Variants in MAP3K19 observed in about 807,000 individuals in gnomAD.
The protein encoded by MAP3K19 is mitogen-activated protein kinase kinase kinase 19.
A neutral mutation model predicts 114.4 loss-of-function variants in MAP3K19; 91 were observed. That is an observed-to-expected ratio of 0.80 (90% CI 0.67 to 0.95). MAP3K19 has a LOEUF of 0.95. MAP3K19 is among the 40% of genes least tolerant of loss of function. The pLI is 0.00. For synonymous variants in MAP3K19, 518 were observed against 530.5 expected (o/e 0.98, Z 0.32); for missense variants, 1,471 against 1,573.2 (o/e 0.94, Z 1.10).
intron 6 of MAP3K19, among the ~76,000 whole-genome samples, chr2:135,002,897 T>C (rs140137364): frequency 2.3e-3 from 352 of 152,310 alleles, no homozygotes; most frequent in Non-Finnish European, 3.4e-3. Context: ...TGTTATGGAC[T>C]GGATGTTCTG....
At chr2:134,983,562 T>G in intron 11 of MAP3K19, 114 bp downstream of exon 11, 1 of 696,810 alleles carries the variant, frequency 1.4e-6, no homozygotes, top group Non-Finnish European at 2.3e-6. Context: ...GAGTTCTAAG[T>G]AAAAGAGTGC....
At chr2:134,988,995 G>C (rs60126223) in intron 9 of MAP3K19, among the ~76,000 whole-genome samples, 1 of 151,968 alleles carries the variant, frequency 6.6e-6, no homozygotes, top group African/African-American at 2.4e-5. Context: ...ATTCATATCC[G>C]AAACACAACT....
In MAP3K19 at chr2:134,983,795, T is replaced by C; in HGVS notation, c.3103A>G (p.Arg1035Gly). The C allele has an allele frequency of 1.9e-6, 3 of 1,603,324 alleles. No individual in the cohort carries two copies. Among genetic ancestry groups the C allele is most frequent in the Non-Finnish European group, 2.6e-6 (3 of 1,175,484 alleles). The change falls in exon 11 of 13, where the codon AGG becomes GGG. Residue 1035 changes from arginine to glycine, a missense_variant. Arg to Gly is a moderately radical substitution (Grantham distance 125). Coordinates refer to ENST00000392915, the MANE Select transcript of MAP3K19 (RefSeq NM_025052.5). ...RHSSGLRIYD[R>G]EEKFLISNEK... Reference sequence around the variant, plus strand: ...TTTGAGATGAGAAATTTCTCCTCCCTGTCATATATCCTGAGCCCACTACTA... The same window carrying C: ...TTTGAGATGAGAAATTTCTCCTCCCCGTCATATATCCTGAGCCCACTACTA...
intron 3 of MAP3K19, among the ~76,000 whole-genome samples, chr2:135,025,635 C>A (rs957845619): frequency 2.0e-5 from 3 of 151,998 alleles, no homozygotes; most frequent in Non-Finnish European, 4.4e-5. Flanking sequence ...ATCTGCCTGC[C>A]TCGGCCTCCC....
chr2:135,005,834 A>G (rs993896676), intron 5 of MAP3K19, among the ~76,000 whole-genome samples: 20 of 152,144 alleles, frequency 1.3e-4, no homozygotes, highest in Admixed American at 7.9e-4. Flanking sequence ...AGCTGCCCCA[A>G]ATTCCATCTG....
chr2:135,023,802 C>T (rs1688140346), intron 4 of MAP3K19, among the ~76,000 whole-genome samples: 3 of 152,110 alleles, frequency 2.0e-5, no homozygotes, highest in Admixed American at 2.0e-4. Context: ...CTGCCTTTTC[C>T]CTCAGATGTA....
chr2:135,029,573 C>A (rs1558743052), intron 3 of MAP3K19, among the ~76,000 whole-genome samples: 2 of 152,116 alleles, frequency 1.3e-5, no homozygotes, highest in Non-Finnish European at 2.9e-5. Context: ...TTGAACTGTA[C>A]CTGAGTGGAA....
intron 9 of MAP3K19, among the ~76,000 whole-genome samples, chr2:134,989,861 C>A (rs2105248846): frequency 6.6e-6 from 1 of 152,232 alleles, no homozygotes; most frequent in South Asian, 2.1e-4. Flanking sequence ...GCAATCGGAT[C>A]ACTCAAGGTC....
intron 5 of MAP3K19, among the ~76,000 whole-genome samples, chr2:135,019,686 T>TA (rs528373869): frequency 5.3e-5 from 8 of 151,942 alleles, no homozygotes; most frequent in Non-Finnish European, 1.2e-4. Flanking sequence ...CTTTTTTTTT[T>TA]AACCAATAAA....
chr2:135,004,587 G>A (rs903947586), intron 6 of MAP3K19, among the ~76,000 whole-genome samples: 4 of 152,240 alleles, frequency 2.6e-5, no homozygotes, highest in African/African-American at 9.6e-5. Context: ...AGAAATTGCA[G>A]CAGTTCAAAT....
chr2:135,014,432 C>G (rs1291475458), intron 5 of MAP3K19, among the ~76,000 whole-genome samples: 1 of 152,112 alleles, frequency 6.6e-6, no homozygotes, highest in Non-Finnish European at 1.5e-5. Flanking sequence ...TCAAGTTATC[C>G]TCCCATCTCA....
At chr2:134,968,233 A>G (rs932364955) in intron 12 of MAP3K19, among the ~76,000 whole-genome samples, 14 of 152,122 alleles carry the variant, frequency 9.2e-5, no homozygotes, top group South Asian at 2.1e-4. Context: ...GTACAGAACA[A>G]AATGAAAAGT....
chr2:134,981,423 C>T lies in MAP3K19; in HGVS notation c.3318G>A (p.Arg1106=). The T allele has an allele frequency of 1.2e-6, 2 of 1,614,224 alleles. No homozygotes were observed. Among genetic ancestry groups the T allele is most frequent in the Non-Finnish European group, 1.7e-6 (2 of 1,180,044 alleles). ...GCAAATCTACTTCTTCCTGTAGTTT[C>T]CGGTATTCCTTTTCAGCAGCTAATT... ...SNKLAAEKEY[R]KLQEEVDLLK... The change falls in exon 12 of 13, where the codon CGG becomes CGA. Residue 1106 remains arginine (R), a synonymous_variant. Coordinates refer to ENST00000392915, the MANE Select transcript of MAP3K19 (RefSeq NM_025052.5).
intron 2 of MAP3K19, among the ~76,000 whole-genome samples, chr2:135,039,419 C>CAAAA (rs56987983): frequency 2.1e-5 from 3 of 140,614 alleles, no homozygotes; most frequent in African/African-American, 7.7e-5. Context: ...CCCATGTCTC[C>CAAAA]AAAAAAAAAA....
In MAP3K19 at chr2:134,991,718, A is replaced by C. The variant is rs1239539647; in HGVS notation, c.575-138T>G. On this transcript the variant is annotated intron_variant, in intron 8 of 12. Transcript: ENST00000392915. ...TAGAAATTGGAGGTTTCCCCTGTGG[A>C]ATTCACACAGAGGTGGAATCATCAC... 6 of 695,386 alleles carry C rather than the reference A, an allele frequency of 8.6e-6. No individual in the cohort carries two copies. In the Admixed American group the frequency reaches 1.2e-4, roughly 14 times the overall value. The allele number at this position is 695,386 out of a possible 1,614,324, so 43.1% of individuals were successfully genotyped here. A position where few individuals can be genotyped will look rare whatever the true frequency, so the allele number is the denominator to read the frequency against.
intron 8 of MAP3K19, among the ~76,000 whole-genome samples, chr2:134,997,822 A>AAAAAAG (rs1559164829): frequency 6.6e-6 from 1 of 151,382 alleles, no homozygotes; most frequent in African/African-American, 2.4e-5. Flanking sequence ...CGTCTCAAAA[A>AAAAAAG]AAAAAAAACT....
At chr2:135,016,440 G>A (rs1343181876) in intron 5 of MAP3K19, among the ~76,000 whole-genome samples, 1 of 152,190 alleles carries the variant, frequency 6.6e-6, no homozygotes, top group Non-Finnish European at 1.5e-5. Context: ...ATCTAGTAGT[G>A]TAAATCTTCC....
intron 12 of MAP3K19, among the ~76,000 whole-genome samples, chr2:134,965,643 A>G (rs1263694726): frequency 2.0e-5 from 3 of 152,154 alleles, no homozygotes; most frequent in Non-Finnish European, 4.4e-5. Flanking sequence ...TTAAGGCTTT[A>G]ACAACCAGGT....
chr2:134,972,536 G>A lies in MAP3K19; in HGVS notation c.3921-7620C>T, dbSNP rs1049461377. On this transcript the variant is annotated intron_variant, in intron 12 of 12. Transcript: ENST00000392915. ...TGCAATGGTGCAATCATGGCTTACT[G>A]CAGTCTCGAACTCTTGGGTTCAAGC... Among the ~76,000 whole-genome samples, 3 of 151,862 alleles carry A rather than the reference G, an allele frequency of 2.0e-5. No homozygotes were observed. In the East Asian group the frequency reaches 5.8e-4, roughly 29 times the overall value.
Sources: allele counts gnomAD v4.1 joint callset (sites outside exome capture counted in the v4.1 genomes callset), GRCh38; gene constraint gnomAD v4.1.1; transcripts MANE v1.5; gene names NCBI Gene and HGNC (gene_info 2026-07-23, HGNC 2026-07-21).